Variants in PCNX2 observed in about 807,000 individuals in gnomAD.
PCNX2 encodes the protein pecanex 2.
A neutral mutation model predicts 223.8 loss-of-function variants in PCNX2; 168 were observed. The ratio of observed to expected loss-of-function variants is 0.75; its 90% confidence interval spans 0.66 to 0.85. The LOEUF is 0.85. Ranked by LOEUF, PCNX2 falls within the 40% of genes least tolerant of loss-of-function variation. The probability of loss-of-function intolerance (pLI) is 0.00; values close to 1 mark genes in which losing one functional copy is unlikely to be tolerated. For missense variants in PCNX2, 2,507 were observed against 2,675.5 expected (o/e 0.94, Z 1.39); for synonymous variants, 1,006 against 1,052.6 (o/e 0.96, Z 0.86).
At chr1:233,202,163 A>G (rs922754933) in intron 13 of PCNX2, 15 of 466,422 alleles carry the variant, frequency 3.2e-5, no homozygotes, top group Non-Finnish European at 5.8e-5. Flanking sequence ...CCAGGACTTC[A>G]GGAAAATGAC....
At chr1:233,275,230 G>GTC (rs1298139944) in intron 1 of PCNX2, among the ~76,000 whole-genome samples, 2 of 152,178 alleles carry the variant, frequency 1.3e-5, no homozygotes, top group African/African-American at 4.8e-5. Context: ...CTTTGATGGA[G>GTC]TCTCGATCTG....
intron 23 of PCNX2, among the ~76,000 whole-genome samples, chr1:233,070,261 T>C: frequency 6.9e-6 from 1 of 144,892 alleles, no homozygotes; most frequent in Non-Finnish European, 1.5e-5. Flanking sequence ...TCTGAAGGCT[T>C]CACTGAAGAA....
At chr1:233,002,625 T>C (rs1382851799) in intron 28 of PCNX2, among the ~76,000 whole-genome samples, 2 of 152,210 alleles carry the variant, frequency 1.3e-5, no homozygotes, top group Non-Finnish European at 2.9e-5. Flanking sequence ...AAGCTACCAC[T>C]GACTTTCTTC....
the PCNX2 span, among the ~76,000 whole-genome samples, chr1:233,311,403 A>G: frequency 1.3e-5 from 2 of 152,232 alleles, no homozygotes; most frequent in South Asian, 2.1e-4. Flanking sequence ...ACCTACCAAC[A>G]ACTACCAAGC....
Position 233,295,588 on chromosome 1 carries a change from C to T in PCNX2, c.-110G>A, listed in dbSNP as rs946626587. On this transcript the variant is annotated 5_prime_UTR_variant, in exon 1 of 34. Transcript: ENST00000258229. This position sits in a 1 kb window ranked among gnomAD's most constrained non-coding sequence, Gnocchi z 4.1. ...CCGGGCCCGCGGGCCGCGCCCCCGC[C>T]GTCGCCGCCGCCGTCGCCCCCGCCG... 3.2e-5 allele frequency: 38 copies of T among 1,171,442 alleles called. No individual in the cohort carries two copies. Among genetic ancestry groups the T allele is most frequent in the African/African-American group, 4.8e-5 (3 of 61,960 alleles). 72.6% of individuals were successfully genotyped at this position (1,171,442 alleles called of 1,614,324 possible).
intron 12 of PCNX2, among the ~76,000 whole-genome samples, chr1:233,215,608 G>T (rs143535194): frequency 4.6e-5 from 7 of 152,274 alleles, no homozygotes; most frequent in African/African-American, 1.7e-4. Flanking sequence ...TTTCTGAAAG[G>T]ATATGCAGGA....
intron 1 of PCNX2, among the ~76,000 whole-genome samples, chr1:233,280,042 A>G (rs1201662292): frequency 6.6e-6 from 1 of 152,006 alleles, no homozygotes; most frequent in Non-Finnish European, 1.5e-5. Context: ...TTTAGTCTAT[A>G]TATATCTTCT....
intron 25 of PCNX2, among the ~76,000 whole-genome samples, chr1:233,037,502 T>TTTTC (rs149916555): frequency 0.11 from 17,229 of 150,922 alleles, 1,340 homozygotes; most frequent in African/African-American, 0.23. Flanking sequence ...ACCTGATTGA[T>TTTTC]TTTCTTTCTT....
chr1:233,167,982 G>A (rs1338272565), intron 17 of PCNX2: 2 of 281,376 alleles, frequency 7.1e-6, no homozygotes, highest in South Asian at 1.4e-4. Flanking sequence ...CTTCCTTCAC[G>A]TTTGAAGGTT....
chr1:233,159,907 T>C (rs564479096), intron 19 of PCNX2, among the ~76,000 whole-genome samples: 6 of 152,310 alleles, frequency 3.9e-5, no homozygotes, highest in Admixed American at 6.5e-5. Flanking sequence ...GATGGGAGCA[T>C]GGTCAAGGGA....
At chr1:233,149,503 G>A (rs1309949404) in intron 19 of PCNX2, among the ~76,000 whole-genome samples, 1 of 152,122 alleles carries the variant, frequency 6.6e-6, no homozygotes, top group Non-Finnish European at 1.5e-5. Flanking sequence ...CACCCCTGAG[G>A]CATCTGAGGC....
chr1:233,100,624 A>C (rs916256751), intron 21 of PCNX2, among the ~76,000 whole-genome samples: 4 of 152,128 alleles, frequency 2.6e-5, no homozygotes, highest in African/African-American at 9.7e-5. Flanking sequence ...GGTGACCCCA[A>C]AACTTTTCTT....
chr1:233,114,268 G>T (rs902185245), intron 21 of PCNX2, among the ~76,000 whole-genome samples: 5 of 152,126 alleles, frequency 3.3e-5, no homozygotes, highest in Admixed American at 6.5e-5. Context: ...CTCAAAAAAG[G>T]ATCGAGTCCA....
intron 10 of PCNX2, among the ~76,000 whole-genome samples, chr1:233,220,269 G>T (rs538060479): frequency 3.9e-5 from 6 of 152,192 alleles, no homozygotes; most frequent in Non-Finnish European, 8.8e-5. Context: ...TTGCATGGAC[G>T]TATGTTTTCA....
chr1:233,244,897 T>C (rs1659009776), intron 8 of PCNX2, among the ~76,000 whole-genome samples: 1 of 152,242 alleles, frequency 6.6e-6, no homozygotes, highest in African/African-American at 2.4e-5. Flanking sequence ...GGCAAACTGC[T>C]AGTGCTTCTG....
intron 1 of PCNX2, among the ~76,000 whole-genome samples, chr1:233,263,889 A>G (rs1332966225): frequency 2.6e-5 from 4 of 152,188 alleles, no homozygotes; most frequent in Admixed American, 2.6e-4. Flanking sequence ...AAGGAAAAAG[A>G]AGGGAGAAAG....
chr1:233,051,385 A>G (rs1166840427), intron 25 of PCNX2, among the ~76,000 whole-genome samples: 1 of 152,190 alleles, frequency 6.6e-6, no homozygotes, highest in Non-Finnish European at 1.5e-5. Flanking sequence ...CCAAACAGAC[A>G]CATGCACTCA....
intron 9 of PCNX2, among the ~76,000 whole-genome samples, chr1:233,236,318 G>T (rs370452238): frequency 6.6e-6 from 1 of 151,864 alleles, no homozygotes; most frequent in African/African-American, 2.4e-5. Context: ...ATTAAAGGTC[G>T]ACTGGATAAA....
Position 233,228,449 on chromosome 1 carries a change from T to C in PCNX2, c.2359-1078A>G, listed in dbSNP as rs1177382857. On this transcript the variant is annotated intron_variant, in intron 9 of 33. Transcript: ENST00000258229. ...CATATTCACACTGTTGTGCAACAGA[T>C]CTCTGGAACCTTTCATCCTGCAAAA... is the stretch of plus-strand genomic sequence containing the variant. Among the ~76,000 whole-genome samples, 7 of 152,164 alleles carry C rather than the reference T, an allele frequency of 4.6e-5. No homozygotes were observed. In the East Asian group the frequency reaches 1.2e-3, roughly 25 times the overall value.
Sources: gnomAD v4.1 joint callset for allele counts (sites outside exome capture counted in the v4.1 genomes callset) on GRCh38, gnomAD v4.1.1 for gene constraint, Gnocchi (gnomAD v3.1) non-coding constraint, MANE v1.5 for transcripts, NCBI Gene and HGNC (gene_info 2026-07-23, HGNC 2026-07-21) for gene names.